The following IFNAR2 variants were observed in gnomAD, a reference collection of about 807,000 sequenced individuals.
The protein encoded by IFNAR2 is interferon alpha and beta receptor subunit 2, also known as interferon alpha/beta receptor 2.
Under a neutral mutation model 49.4 loss-of-function variants are expected in IFNAR2, and 30 were observed. That is an observed-to-expected ratio of 0.61 (90% confidence interval 0.45 to 0.82). The LOEUF (loss-of-function observed/expected upper bound fraction) is 0.82, where lower values mean the gene tolerates loss of function less well. Ranked by LOEUF, IFNAR2 falls within the 40% of genes least tolerant of loss-of-function variation. The pLI, the probability that IFNAR2 is intolerant of heterozygous loss-of-function variation, is 0.00. For missense variants in IFNAR2, 600 were observed against 622.7 expected, an observed-to-expected ratio of 0.96 and a Z score of 0.39; for synonymous variants, 224 against 234.5, an observed-to-expected ratio of 0.96 and a Z score of 0.41.
chr21:33,239,549 G>A (rs1156400583), intron 1 of IFNAR2, among the ~76,000 whole-genome samples: 1 of 149,482 alleles, frequency 6.7e-6, no homozygotes, highest in Admixed American at 6.7e-5. Context: ...TCCCTCCTGG[G>A]GCCCAGAGTG....
intron 5 of IFNAR2, among the ~76,000 whole-genome samples, chr21:33,247,835 C>T (rs1482965663): frequency 2.0e-5 from 3 of 152,198 alleles, no homozygotes; most frequent in Admixed American, 1.3e-4. Flanking sequence ...CGGGTGTGCA[C>T]GTGCTCATAC....
chr21:33,255,323 C>T (rs1988134697), intron 7 of IFNAR2, among the ~76,000 whole-genome samples: 1 of 152,186 alleles, frequency 6.6e-6, no homozygotes, highest in Admixed American at 6.5e-5. Context: ...GGCTCAGTCC[C>T]ACAAAACTGC....
chr21:33,243,695 T>C lies in IFNAR2; in HGVS notation c.78T>C (p.Gly26=), dbSNP rs1289650349. 9 of 1,613,544 alleles carry C rather than the reference T, an allele frequency of 5.6e-6. No individual in the cohort carries two copies. The South Asian group carries it at 9.9e-5, about 18-fold the overall frequency. ...TAGTGTATATCAGCCTCGTGTTTGG[T>C]ATTTCATATGATTCGCCTGGTAAGA... ...VLMVYISLVF[G]ISYDSPDYTD... Residue 26 remains glycine (G), a synonymous_variant, in exon 3 of 9, where the codon GGT becomes GGC. Transcript: ENST00000342136.
At chr21:33,244,918 A>G in intron 3 of IFNAR2, 33 bp from the exon 4 acceptor site, 1 of 1,611,976 alleles carries the variant, frequency 6.2e-7, no homozygotes, top group Non-Finnish European at 8.5e-7. Context: ...TGTGGGTTCC[A>G]AATTTCAATG....
Position 33,248,756 on chromosome 21 carries a change from A to AT in IFNAR2, c.444dup (p.Asn149Ter). 1 of 1,612,298 alleles carries AT rather than the reference A, an allele frequency of 6.2e-7. No individual in the cohort carries two copies. Among genetic ancestry groups the AT allele is most frequent in the Non-Finnish European group, 8.5e-7 (1 of 1,179,172 alleles). ...TGAGATTGTTGGTTTTACCAACCAC[A>AT]TTAATGTGATGGTGAAATTTCCATC... On this transcript the variant is annotated frameshift_variant, in exon 6 of 9. Transcript: ENST00000342136. LOFTEE classifies it high-confidence loss of function.
At chr21:33,246,999 C>A in intron 5 of IFNAR2, 109 bp downstream of exon 5, 1 of 871,826 alleles carries the variant, frequency 1.1e-6, no homozygotes, top group Non-Finnish European at 1.8e-6. Flanking sequence ...TGGGGCTGGG[C>A]TCACCTCTTG....
In IFNAR2 at chr21:33,263,537, C is replaced by A; in HGVS notation, c.*37C>A. The A allele has an allele frequency of 6.5e-7, 1 of 1,548,258 alleles. No homozygotes were observed. The highest frequency in any genetic ancestry group is 8.7e-7 in the Non-Finnish European group (1 of 1,150,584). On this transcript the variant is annotated 3_prime_UTR_variant, in exon 9 of 9. Transcript: ENST00000342136. ...TTGAATGAACTTGGACAGACAAGCACCTACAGGGTTCTTTGTCTCTGCATC... is the reference window on the plus strand; with the variant it reads ...TTGAATGAACTTGGACAGACAAGCAACTACAGGGTTCTTTGTCTCTGCATC...
At chr21:33,256,644 C>T (rs1422545304) in intron 7 of IFNAR2, among the ~76,000 whole-genome samples, 1 of 152,136 alleles carries the variant, frequency 6.6e-6, no homozygotes, top group African/African-American at 2.4e-5. Context: ...AATGGTTTGT[C>T]TCTTTTATTA....
At position 33,260,709 on chromosome 21, in the gene IFNAR2, T is replaced by C. The variant is rs758683918; in HGVS notation, c.822T>C (p.Asn274=). Residue 274 remains asparagine (N), a synonymous_variant, in exon 8 of 9, where the codon AAT becomes AAC. Coordinates refer to ENST00000342136, the MANE Select transcript of IFNAR2 (RefSeq NM_001289125.3). ...LKWIGYICLR[N]SLPKVLNFHN... is the part of the protein sequence containing the mutation. ...GGATTGGTTATATATGCTTAAGAAA[T>C]AGCCTCCCCAAAGTCTTGGTAGGTA... 6.5e-5 allele frequency: 100 copies of C among 1,536,544 alleles called. No individual in the cohort carries two copies. The highest frequency in any genetic ancestry group is 8.3e-5 in the Non-Finnish European group (95 of 1,146,708).
chr21:33,261,311 A>G (rs952657682), intron 8 of IFNAR2, among the ~76,000 whole-genome samples: 1 of 152,112 alleles, frequency 6.6e-6, no homozygotes, highest in Non-Finnish European at 1.5e-5. Context: ...TTCTGGGATT[A>G]CAGGTGTGAG....
rs1475003822 is a variant in IFNAR2 at position 33,263,289 on chromosome 21, C to T, written c.1337C>T (p.Pro446Leu). ...DDEDSDDLEAPLMLSSHLEEM... is the reference protein window; with the variant it reads ...DDEDSDDLEALLMLSSHLEEM... ...GAGGACAGTGACGACTTAGAAGCCC[C>T]TCTGATGCTATCGTCTCATCTGGAA... The change falls in exon 9 of 9, where the codon CCT becomes CTT. Residue 446 changes from proline (P) to leucine (L), a missense_variant. Transcript: ENST00000342136. 11 of 1,614,154 alleles carry T rather than the reference C, an allele frequency of 6.8e-6. No individual in the cohort carries two copies. In the South Asian group the frequency reaches 1.2e-4, roughly 18 times the overall value.
Position 33,265,236 on chromosome 21 carries a change from A to G in IFNAR2, c.*1736A>G, listed in dbSNP as rs1371333648. ...ATGAACACTCAGGTGGAAATGCTGC[A>G]ATCCTGAGAAGCTCCCAGGATGAAT... On this transcript the variant is annotated 3_prime_UTR_variant, in exon 9 of 9. Coordinates refer to ENST00000342136, the MANE Select transcript of IFNAR2 (RefSeq NM_001289125.3). 2 of 152,232 alleles carry G rather than the reference A, an allele frequency of 1.3e-5. No homozygotes were observed. The highest frequency in any genetic ancestry group is 4.8e-5 in the African/African-American group (2 of 41,442). 9.4% of individuals were successfully genotyped at this position (152,232 alleles called of 1,614,324 possible).
At chr21:33,244,396 A>G (rs890069463) in intron 3 of IFNAR2, among the ~76,000 whole-genome samples, 1 of 152,128 alleles carries the variant, frequency 6.6e-6, no homozygotes, top group Non-Finnish European at 1.5e-5. Context: ...CTACTTCAGC[A>G]TTGTTGTGGG....
chr21:33,260,609 C>T lies in IFNAR2; in HGVS notation c.722C>T (p.Ser241Phe), dbSNP rs2123530470. Reference protein sequence around the residue: ...PPGQESESAESAKIGGIITVF... With the variant: ...PPGQESESAEFAKIGGIITVF... ...TTTTCATCAACAGAATCAGCAGAATCTGCCAAAATAGGAGGAATAATTACT... is the reference window on the plus strand; with the variant it reads ...TTTTCATCAACAGAATCAGCAGAATTTGCCAAAATAGGAGGAATAATTACT... Residue 241 changes from serine to phenylalanine, a missense_variant, in exon 8 of 9, where the codon TCT becomes TTT. Ser to Phe is a radical substitution (Grantham distance 155). Transcript: ENST00000342136. The T allele has an allele frequency of 6.3e-7, 1 of 1,581,480 alleles. No individual in the cohort carries two copies. The highest frequency in any genetic ancestry group is 2.3e-5 in the East Asian group (1 of 44,020).
At chr21:33,240,427 A>G (rs577037178) in intron 1 of IFNAR2, among the ~76,000 whole-genome samples, 19 of 152,372 alleles carry the variant, frequency 1.2e-4, no homozygotes, top group African/African-American at 4.3e-4. Flanking sequence ...TCTGATGTTC[A>G]TACAACAAAA....
At chr21:33,242,081 A>G (rs1208080617) in intron 2 of IFNAR2, 104 bp downstream of exon 2, 15 of 941,882 alleles carry the variant, frequency 1.6e-5, no homozygotes, top group East Asian at 2.5e-5. Flanking sequence ...TGACTAGAGG[A>G]CCCAGTACCA....
At chr21:33,253,189 A>T (rs1987981298) in intron 7 of IFNAR2, among the ~76,000 whole-genome samples, 1 of 152,204 alleles carries the variant, frequency 6.6e-6, no homozygotes, top group Non-Finnish European at 1.5e-5. Context: ...ATACAGTGGC[A>T]TTAAGGGGTG....
At chr21:33,233,285 G>T (rs1986195634) in intron 1 of IFNAR2, among the ~76,000 whole-genome samples, 1 of 152,104 alleles carries the variant, frequency 6.6e-6, no homozygotes, top group Non-Finnish European at 1.5e-5. Context: ...TAAGAAGAAA[G>T]AAGCTATTAT....
intron 7 of IFNAR2, among the ~76,000 whole-genome samples, chr21:33,253,835 C>A (rs1279028278): frequency 1.3e-5 from 2 of 152,118 alleles, no homozygotes; most frequent in African/African-American, 2.4e-5. Flanking sequence ...GTGAGGACGA[C>A]CATCTTGGTT....
Sources: allele counts gnomAD v4.1 joint callset (sites outside exome capture counted in the v4.1 genomes callset), GRCh38; gene constraint gnomAD v4.1.1; transcripts MANE v1.5; gene names NCBI Gene and HGNC (gene_info 2026-07-23, HGNC 2026-07-21).